Variants in CADPS2 observed in about 807,000 individuals in gnomAD.
CADPS2 encodes calcium-dependent secretion activator 2.
A neutral mutation model predicts 172.5 loss-of-function variants in CADPS2; 93 were observed. The ratio of observed to expected loss-of-function variants is 0.54; its 90% CI spans 0.46 to 0.64. The LOEUF is 0.64. CADPS2 is among the 30% of genes least tolerant of loss of function. The probability of loss-of-function intolerance (pLI) is 0.00; values close to 1 mark genes in which losing one functional copy is unlikely to be tolerated. For synonymous variants in CADPS2, 546 were observed against 555.2 expected, an observed-to-expected ratio of 0.98 and a Z score of 0.23; for missense variants, 1,420 against 1,565.9, an observed-to-expected ratio of 0.91 and a Z score of 1.57.
intron 7 of CADPS2, among the ~76,000 whole-genome samples, chr7:122,560,655 T>C (rs1466673567): frequency 6.6e-6 from 1 of 152,206 alleles, no homozygotes; most frequent in Non-Finnish European, 1.5e-5. Flanking sequence ...TTTAGGCAAA[T>C]GGCTGAGGGA....
Position 122,393,516 on chromosome 7 carries a change from T to C in CADPS2, c.2813A>G (p.Tyr938Cys), listed in dbSNP as rs1010064028. The C allele has an allele frequency of 9.9e-6, 16 of 1,613,868 alleles. No individual in the cohort carries two copies. The highest frequency in any genetic ancestry group is 1.4e-5 in the Non-Finnish European group (16 of 1,179,832). Residue 938 changes from tyrosine (Y) to cysteine (C), a missense_variant, in exon 21 of 30, where the codon TAT becomes TGT. Tyr to Cys is a radical substitution (Grantham distance 194, BLOSUM62 -2). Coordinates refer to ENST00000449022, the MANE Select transcript of CADPS2 (RefSeq NM_017954.11). ...QEIFVPLVVR[Y>C]VDLMESSIAQ... Reference sequence around the variant, plus strand: ...GATGGAAGACTCCATGAGATCCACATAGCGGACAACCAAGGGTACAAAGAT... The same window carrying C: ...GATGGAAGACTCCATGAGATCCACACAGCGGACAACCAAGGGTACAAAGAT...
At chr7:122,365,815 T>C (rs2040774475) in intron 25 of CADPS2, among the ~76,000 whole-genome samples, 1 of 152,140 alleles carries the variant, frequency 6.6e-6, no homozygotes. Context: ...ACATGAAGAG[T>C]GCTTCAAGGC....
At chr7:122,444,509 C>T (rs948987344) in intron 15 of CADPS2, among the ~76,000 whole-genome samples, 2 of 152,092 alleles carry the variant, frequency 1.3e-5, no homozygotes, top group African/African-American at 2.4e-5. Flanking sequence ...TTAACTATAC[C>T]ACTAAGTATG....
chr7:122,379,080 C>T (rs2042687958), intron 25 of CADPS2: 1 of 272,292 alleles, frequency 3.7e-6, no homozygotes, highest in African/African-American at 2.3e-5. Flanking sequence ...AAATAAATAG[C>T]ATAAGAACAT....
At chr7:122,696,882 C>A (rs995820572) in intron 2 of CADPS2, among the ~76,000 whole-genome samples, 1 of 152,040 alleles carries the variant, frequency 6.6e-6, no homozygotes, top group African/African-American at 2.4e-5. Context: ...CAAAAATACT[C>A]GAGTGCCAGG....
Position 122,637,827 on chromosome 7 carries a change from C to T in CADPS2, c.787-8499G>A, listed in dbSNP as rs145596231. ...AACTGTGACATAAGTTGAGTATAGT[C>T]AGTTGGCTCCATTTCTGGGTGCTTG... On this transcript the variant is annotated intron_variant, in intron 3 of 29. Transcript: ENST00000449022. 2.1e-3 allele frequency among the ~76,000 whole-genome samples: 324 copies of T among 152,298 alleles called. 3 individuals carry two copies. The highest frequency in any genetic ancestry group is 3.9e-3 in the Non-Finnish European group (265 of 68,028).
chr7:122,553,259 A>G (rs1374333566), intron 8 of CADPS2, among the ~76,000 whole-genome samples: 1 of 152,182 alleles, frequency 6.6e-6, no homozygotes, highest in Non-Finnish European at 1.5e-5. Flanking sequence ...ATATCACATT[A>G]AAGTTTGTCC....
intron 1 of CADPS2, among the ~76,000 whole-genome samples, chr7:122,766,919 G>A (rs964035910): frequency 1.3e-5 from 2 of 152,066 alleles, no homozygotes; most frequent in Middle Eastern, 3.2e-3. Context: ...TATGAGGTAG[G>A]AATAACAATA....
At chr7:122,587,070 A>C (rs2069827413) in intron 6 of CADPS2, among the ~76,000 whole-genome samples, 1 of 151,954 alleles carries the variant, frequency 6.6e-6, no homozygotes, top group Admixed American at 6.6e-5. Flanking sequence ...AAAAAATTAC[A>C]AATAATTCTT....
intron 27 of CADPS2, among the ~76,000 whole-genome samples, chr7:122,354,582 G>C (rs749024415): frequency 2.0e-5 from 3 of 151,928 alleles, no homozygotes; most frequent in South Asian, 2.1e-4. Context: ...TTTTTTTTGG[G>C]GGGGAGGGGT....
chr7:122,537,145 C>G (rs1249193250), intron 8 of CADPS2, among the ~76,000 whole-genome samples: 2 of 151,170 alleles, frequency 1.3e-5, no homozygotes, highest in East Asian at 3.9e-4. Flanking sequence ...TGTAACAAAC[C>G]TACACTTGTA....
chr7:122,378,802 C>T (rs2042650431), intron 25 of CADPS2: 1 of 152,306 alleles, frequency 6.6e-6, no homozygotes, highest in African/African-American at 2.4e-5. Flanking sequence ...CCATCTGTTA[C>T]ACCTTAGAGG....
intron 6 of CADPS2, among the ~76,000 whole-genome samples, chr7:122,608,222 A>G (rs1250437848): frequency 6.6e-6 from 1 of 152,008 alleles, no homozygotes; most frequent in Non-Finnish European, 1.5e-5. Flanking sequence ...CTAAAAAAAA[A>G]AAAAAGAAGG....
At chr7:122,327,331 T>G (rs2150756014) in intron 28 of CADPS2, among the ~76,000 whole-genome samples, 2 of 152,248 alleles carry the variant, frequency 1.3e-5, no homozygotes, top group Non-Finnish European at 2.9e-5. Flanking sequence ...TACAGTCAAT[T>G]GAGGCCCTTC....
chr7:122,397,940 TA>T (rs1156889226), intron 20 of CADPS2, among the ~76,000 whole-genome samples: 1 of 152,138 alleles, frequency 6.6e-6, no homozygotes, highest in Non-Finnish European at 1.5e-5. Context: ...ATTTTTCAGA[TA>T]AAAAAATAAC....
At chr7:122,407,908 T>G in intron 19 of CADPS2, 1 of 514,562 alleles carries the variant, frequency 1.9e-6, no homozygotes, top group Non-Finnish European at 3.4e-6. Flanking sequence ...GAAAATAGAA[T>G]TAAAATGTAC....
intron 12 of CADPS2, among the ~76,000 whole-genome samples, chr7:122,478,941 A>AAT (rs2056996505): frequency 6.6e-6 from 1 of 152,062 alleles, no homozygotes; most frequent in African/African-American, 2.4e-5. Flanking sequence ...GTATAATAAA[A>AAT]ATATATATAT....
intron 1 of CADPS2, among the ~76,000 whole-genome samples, chr7:122,834,181 A>G (rs1229459560): frequency 6.6e-6 from 1 of 152,230 alleles, no homozygotes; most frequent in Non-Finnish European, 1.5e-5. Context: ...AGAAGGTAAT[A>G]TGGTAGAAAG....
chr7:122,358,234 T>C (rs1301210406), intron 27 of CADPS2, among the ~76,000 whole-genome samples: 1 of 152,144 alleles, frequency 6.6e-6, no homozygotes, highest in African/African-American at 2.4e-5. Flanking sequence ...ATATTGAGCA[T>C]TTTTTCATAA....
Sources: gnomAD v4.1 joint callset for allele counts (sites outside exome capture counted in the v4.1 genomes callset) on GRCh38, gnomAD v4.1.1 for gene constraint, MANE v1.5 for transcripts, NCBI Gene and HGNC (gene_info 2026-07-23, HGNC 2026-07-21) for gene names.